The following CNTNAP2 variants were observed in gnomAD, a reference collection of about 807,000 sequenced individuals.
CNTNAP2 encodes contactin associated protein 2, also known as contactin-associated protein-like 2.
In CNTNAP2, 98 loss-of-function variants were observed where a neutral mutation model predicts 155.2. That is an observed-to-expected ratio of 0.63 (90% confidence interval 0.54 to 0.75). The LOEUF is 0.75. Among genes scored for constraint, CNTNAP2 ranks in the 30% least tolerant of loss-of-function variants. The pLI is 0.00. For synonymous variants in CNTNAP2, 651 were observed against 631.2 expected (o/e 1.03, Z -0.47); for missense variants, 1,727 against 1,688.1 (o/e 1.02, Z -0.40).
intron 3 of CNTNAP2, among the ~76,000 whole-genome samples, chr7:147,001,482 A>G (rs1009581253): frequency 7.2e-5 from 11 of 152,126 alleles, no homozygotes; most frequent in Non-Finnish European, 1.0e-4. Context: ...AAATTACCAT[A>G]GATCTTAATA....
intron 12 of CNTNAP2, among the ~76,000 whole-genome samples, chr7:147,592,793 A>G (rs1275874432): frequency 6.6e-6 from 1 of 152,200 alleles, no homozygotes; most frequent in East Asian, 1.9e-4. Context: ...TAAGCCCCTC[A>G]TATCTTCTCC....
At chr7:147,520,887 A>C (rs181166369) in intron 11 of CNTNAP2, among the ~76,000 whole-genome samples, 111 of 152,180 alleles carry the variant, frequency 7.3e-4, no homozygotes, top group African/African-American at 2.5e-3. Flanking sequence ...CAGTCACTTC[A>C]TTTACCCCTA....
At chr7:147,407,437 C>A (rs1281528894) in intron 10 of CNTNAP2, among the ~76,000 whole-genome samples, 1 of 132,638 alleles carries the variant, frequency 7.5e-6, no homozygotes, top group African/African-American at 2.7e-5. Context: ...CACTGCACTC[C>A]AGCCTGGGCA....
At chr7:148,277,336 C>T (rs1158197229) in intron 21 of CNTNAP2, among the ~76,000 whole-genome samples, 1 of 152,118 alleles carries the variant, frequency 6.6e-6, no homozygotes, top group African/African-American at 2.4e-5. Context: ...CCAGGGAGCA[C>T]CTGCCATCCT....
rs10718454 is a variant in CNTNAP2, at chr7:147,457,842, C to CAA, written c.1671-28084_1671-28083dup. On this transcript the variant is annotated intron_variant, in intron 10 of 23. Transcript: ENST00000361727. The stretch of plus-strand genomic sequence containing the variant: ...ACATAGTTTATTTTCAATGAATCAA[C>CAA]AAAAAAAAAATCTGATCTTTCTTGA... 8.0e-3 allele frequency among the ~76,000 whole-genome samples: 1,219 copies of CAA among 151,612 alleles called. 13 individuals are homozygous for CAA. Among genetic ancestry groups the CAA allele is most frequent in the African/African-American group, 0.028 (1,148 of 41,410 alleles).
intron 12 of CNTNAP2, among the ~76,000 whole-genome samples, chr7:147,622,930 G>A (rs1460421862): frequency 6.6e-6 from 1 of 152,070 alleles, no homozygotes; most frequent in Non-Finnish European, 1.5e-5. Context: ...TGAAAAAGGA[G>A]ACATTACAAC....
chr7:146,651,252 T>G (rs1799906136), intron 1 of CNTNAP2, among the ~76,000 whole-genome samples: 1 of 152,112 alleles, frequency 6.6e-6, no homozygotes, highest in Non-Finnish European at 1.5e-5. Flanking sequence ...AATGTGTGTG[T>G]TGTTATGCAG....
intron 9 of CNTNAP2, among the ~76,000 whole-genome samples, chr7:147,325,983 C>T (rs900995220): frequency 2.0e-5 from 3 of 152,240 alleles, no homozygotes; most frequent in Admixed American, 6.5e-5. Context: ...AGTGCAGTGG[C>T]ACAATCTCGG....
At chr7:147,565,207 A>C (rs10269610) in intron 12 of CNTNAP2, among the ~76,000 whole-genome samples, 67,953 of 151,908 alleles carry the variant, frequency 0.45, 15,411 homozygotes, top group East Asian at 0.61. Context: ...ATATAAATCA[A>C]TCCCCCAGGG....
At chr7:146,919,488 G>C (rs1195391037) in intron 3 of CNTNAP2, among the ~76,000 whole-genome samples, 1 of 152,132 alleles carries the variant, frequency 6.6e-6, no homozygotes, top group Non-Finnish European at 1.5e-5. Flanking sequence ...GAGCTACTGG[G>C]CTCCAGGCTG....
In CNTNAP2 at chr7:147,508,311, A is replaced by G. The variant is rs12113966; in HGVS notation, c.1777+22270A>G. Among the ~76,000 whole-genome samples, 1,134 of 152,116 alleles carry G rather than the reference A, an allele frequency of 7.5e-3. 17 individuals carry two copies. Among genetic ancestry groups the G allele is most frequent in the African/African-American group, 0.026 (1,059 of 41,480 alleles). On this transcript the variant is annotated intron_variant, in intron 11 of 23. Transcript: ENST00000361727. ...ACTTCCTTTTCCTCCTGCATTTCCTATAAAGGAAAAACGGTCCTTTAGCAA... is the reference window on the plus strand; with the variant it reads ...ACTTCCTTTTCCTCCTGCATTTCCTGTAAAGGAAAAACGGTCCTTTAGCAA...
intron 8 of CNTNAP2, among the ~76,000 whole-genome samples, chr7:147,208,196 A>G (rs140919497): frequency 4.6e-5 from 7 of 152,188 alleles, no homozygotes; most frequent in Admixed American, 1.3e-4. Context: ...TCTGCATAGG[A>G]ATGTGAGTCC....
intron 19 of CNTNAP2, among the ~76,000 whole-genome samples, chr7:148,222,925 T>C (rs957839920): frequency 6.6e-6 from 1 of 152,214 alleles, no homozygotes; most frequent in Admixed American, 6.5e-5. Flanking sequence ...GGCAGCTCCA[T>C]GCCTCTGTTT....
At chr7:148,398,042 G>A (rs999835685) in intron 22 of CNTNAP2, among the ~76,000 whole-genome samples, 2 of 152,186 alleles carry the variant, frequency 1.3e-5, no homozygotes, top group African/African-American at 4.8e-5. Flanking sequence ...TTGTGCTAAT[G>A]CAACCGAAAA....
At position 146,748,402 on chromosome 7, in the gene CNTNAP2, C is replaced by G. The variant is rs144214845; in HGVS notation, c.98-25869C>G. On this transcript the variant is annotated intron_variant, in intron 1 of 23. Transcript: ENST00000361727. ...CCTCATGATCCGCCCTCCTTGGCCT[C>G]CCAAAGTGCTGGGATTACAGGCGTG... Among the ~76,000 whole-genome samples, 1,110 of 152,146 alleles carry G rather than the reference C, an allele frequency of 7.3e-3. 17 individuals carry two copies. Among genetic ancestry groups the G allele is most frequent in the African/African-American group, 0.025 (1,028 of 41,510 alleles).
At chr7:146,842,040 G>A (rs1300255980) in intron 3 of CNTNAP2, among the ~76,000 whole-genome samples, 1 of 74,480 alleles carries the variant, frequency 1.3e-5, no homozygotes, top group African/African-American at 4.6e-5. Context: ...CCACCACCAT[G>A]CCTGGCTAAT....
intron 10 of CNTNAP2, among the ~76,000 whole-genome samples, chr7:147,471,070 T>G (rs6464808): frequency 0.78 from 118,498 of 152,034 alleles, 46,548 homozygotes; most frequent in African/African-American, 0.87. Context: ...GCTGATTAGA[T>G]TTAACAATGT....
chr7:148,272,775 A>G (rs1207327504), intron 21 of CNTNAP2, among the ~76,000 whole-genome samples: 1 of 152,210 alleles, frequency 6.6e-6, no homozygotes, highest in Non-Finnish European at 1.5e-5. Context: ...AATGAATGTG[A>G]TTCTGAGCCA....
chr7:146,464,191 T>G (rs58718792), intron 1 of CNTNAP2, among the ~76,000 whole-genome samples: 34,737 of 137,128 alleles, frequency 0.25, 3,910 homozygotes, highest in Admixed American at 0.37. Context: ...GAAACTGTTT[T>G]TTTTTTTTTT....
Sources: allele counts gnomAD v4.1 joint callset (sites outside exome capture counted in the v4.1 genomes callset), GRCh38; gene constraint gnomAD v4.1.1; transcripts MANE v1.5; gene names NCBI Gene and HGNC (gene_info 2026-07-23, HGNC 2026-07-21).